Variants in CDK5RAP2 observed in about 807,000 individuals in gnomAD.
The protein encoded by CDK5RAP2 is CDK5 regulatory subunit associated protein 2.
Under a neutral mutation model 232.9 loss-of-function variants are expected in CDK5RAP2, and 147 were observed. The ratio of observed to expected loss-of-function variants is 0.63; its 90% confidence interval spans 0.55 to 0.72. The LOEUF (loss-of-function observed/expected upper bound fraction) is 0.72. Ranked by LOEUF, CDK5RAP2 falls within the 30% of genes least tolerant of loss-of-function variation. The pLI, the probability that CDK5RAP2 is intolerant of heterozygous loss-of-function variation, is 0.00. For synonymous variants in CDK5RAP2, 833 were observed against 833.7 expected, an observed-to-expected ratio of 1.00 and a Z score of 0.01; for missense variants, 2,195 against 2,231.5, an observed-to-expected ratio of 0.98 and a Z score of 0.33.
At position 120,409,467 on chromosome 9, in the gene CDK5RAP2, G is replaced by A; in HGVS notation, c.4415-151C>T. The A allele has an allele frequency of 4.5e-6, 3 of 672,350 alleles. No individual in the cohort carries two copies. The South Asian group carries it at 5.5e-5, about 12-fold the overall frequency. The allele number at this position is 672,350 out of a possible 1,614,324, so 41.6% of individuals were successfully genotyped here. A position where few individuals can be genotyped will look rare whatever the true frequency, so the allele number is the denominator to read the frequency against. On this transcript the variant is annotated intron_variant, in intron 29 of 37. Transcript: ENST00000349780. Reference sequence around the variant, plus strand: ...ATTCCAATTATCTTACACACTTTGGGCAGATAAATTTGTCAACATCAAGGC... The same window carrying A: ...ATTCCAATTATCTTACACACTTTGGACAGATAAATTTGTCAACATCAAGGC...
At chr9:120,579,781 C>A (rs2043173470) in intron 1 of CDK5RAP2, 139 bp downstream of exon 1, 4 of 680,960 alleles carry the variant, frequency 5.9e-6, no homozygotes, top group Non-Finnish European at 1.1e-5. Flanking sequence ...CCCCCAGAGA[C>A]CCTCTCCGAA....
Position 120,580,080 on chromosome 9 carries a change from C to T in CDK5RAP2, c.-102G>A. The T allele has an allele frequency of 1.4e-6, 1 of 709,212 alleles. No individual in the cohort carries two copies. The highest frequency in any genetic ancestry group is 2.5e-6 in the Non-Finnish European group (1 of 394,804). 43.9% of individuals were successfully genotyped at this position (709,212 alleles called of 1,614,324 possible). On this transcript the variant is annotated 5_prime_UTR_variant, in exon 1 of 38. The change creates a new upstream start codon in the 5' untranslated region. Coordinates refer to ENST00000349780, the MANE Select transcript of CDK5RAP2 (RefSeq NM_018249.6). ...GCTCCCCAGGTCCCCGCCCCCTCCA[C>T]CCCAGCTCTTGTTCAGACTCTGGCG...
intron 20 of CDK5RAP2, among the ~76,000 whole-genome samples, chr9:120,457,066 T>C (rs962835221): frequency 5.3e-5 from 8 of 152,166 alleles, no homozygotes; most frequent in African/African-American, 1.9e-4. Context: ...CCTAAGCACT[T>C]ACCATGTGCC....
chr9:120,398,086 G>A (rs953166335), intron 35 of CDK5RAP2, among the ~76,000 whole-genome samples: 102 of 152,148 alleles, frequency 6.7e-4, no homozygotes, highest in African/African-American at 2.2e-4. Flanking sequence ...TCCCTTTAGC[G>A]GGCAAAGGTA....
intron 14 of CDK5RAP2, among the ~76,000 whole-genome samples, chr9:120,482,225 G>A (rs994515473): frequency 1.3e-5 from 2 of 152,224 alleles, no homozygotes; most frequent in African/African-American, 2.4e-5. Context: ...AGGAATGTAT[G>A]TATGTGGGAC....
At chr9:120,444,395 G>A (rs750273340) in intron 22 of CDK5RAP2, among the ~76,000 whole-genome samples, 11 of 152,206 alleles carry the variant, frequency 7.2e-5, no homozygotes, top group Non-Finnish European at 1.3e-4. Flanking sequence ...TTAGTTAACT[G>A]CCACCTCCCC....
Position 120,439,941 on chromosome 9 carries a change from G to A in CDK5RAP2, c.3180C>T (p.Ala1060=), listed in dbSNP as rs1564218472. The A allele has an allele frequency of 6.2e-7, 1 of 1,614,022 alleles. No homozygotes were observed. Among genetic ancestry groups the A allele is most frequent in the Non-Finnish European group, 8.5e-7 (1 of 1,179,996 alleles). The part of the protein sequence containing the change: ...DSEICPPDDL[A]SLPSCKENPE... The stretch of plus-strand genomic sequence containing the variant: ...GATTTTCTTTGCATGATGGCAAGCT[G>A]GCAAGGTCATCAGGTGGGCAAATCT... Residue 1060 remains alanine (A), a synonymous_variant, in exon 24 of 38, where the codon GCC becomes GCT. Transcript: ENST00000349780.
At chr9:120,480,266 A>AT (rs1052630417) in intron 14 of CDK5RAP2, among the ~76,000 whole-genome samples, 8 of 152,144 alleles carry the variant, frequency 5.3e-5, no homozygotes, top group Admixed American at 3.3e-4. Flanking sequence ...TTTCAACTTG[A>AT]TTAAAATTTA....
chr9:120,524,979 C>A lies in CDK5RAP2; in HGVS notation c.1092+7G>T. 1 of 1,609,174 alleles carries A rather than the reference C, an allele frequency of 6.2e-7. No individual in the cohort carries two copies. The highest frequency in any genetic ancestry group is 2.2e-5 in the East Asian group (1 of 44,844). On this transcript the variant is annotated splice_region_variant and intron_variant, in intron 11 of 37. Transcript: ENST00000349780. Reference sequence around the variant, plus strand: ...GAGACAGCCACTTAAGCCAAGTGTACACTTACCTGAAATTCCTGGGTCTGT... The same window carrying A: ...GAGACAGCCACTTAAGCCAAGTGTAAACTTACCTGAAATTCCTGGGTCTGT...
intron 27 of CDK5RAP2, among the ~76,000 whole-genome samples, chr9:120,419,211 T>C (rs1163085944): frequency 6.6e-6 from 1 of 152,226 alleles, no homozygotes; most frequent in African/African-American, 2.4e-5. Context: ...TTGGACTTCC[T>C]AGCCTTTAGA....
In CDK5RAP2 at chr9:120,402,913, A is replaced by C. The variant is rs776345910; in HGVS notation, c.5200T>G (p.Tyr1734Asp). The part of the protein sequence containing the change: ...GRHVLGLIED[Y>D]EALLKQISQG... ...CTGATCTGTTTGAGCAGGGCCTCAT[A>C]GTCCTCAATCAGGCCCAGGACATGG... The change falls in exon 34 of 38, where the codon TAT becomes GAT. Residue 1734 changes from tyrosine (Y) to aspartate (D), a missense_variant. Tyr to Asp is a radical substitution (Grantham distance 160). Transcript: ENST00000349780. 6.2e-7 allele frequency: 1 copy of C among 1,614,156 alleles called. No homozygotes were observed. The highest frequency in any genetic ancestry group is 8.5e-7 in the Non-Finnish European group (1 of 1,180,010).
chr9:120,516,222 T>C (rs570722194), intron 12 of CDK5RAP2, among the ~76,000 whole-genome samples: 11 of 152,256 alleles, frequency 7.2e-5, no homozygotes, highest in South Asian at 6.2e-4. Context: ...TGTAGATACA[T>C]GGATGAAACT....
chr9:120,492,832 A>G (rs2038974791), intron 12 of CDK5RAP2, among the ~76,000 whole-genome samples: 1 of 152,224 alleles, frequency 6.6e-6, no homozygotes. Flanking sequence ...CAAAACTTTA[A>G]GTAGAAAAGA....
intron 31 of CDK5RAP2, chr9:120,407,768 G>A (rs1048218411): frequency 1.1e-4 from 19 of 169,796 alleles, no homozygotes; most frequent in Admixed American, 3.3e-4. Context: ...AACATTAGAC[G>A]TTATAGTTGA....
intron 13 of CDK5RAP2, among the ~76,000 whole-genome samples, chr9:120,488,592 T>A (rs1486756798): frequency 6.6e-6 from 1 of 152,260 alleles, no homozygotes; most frequent in Non-Finnish European, 1.5e-5. Context: ...TATTCTTACA[T>A]GGCTTGGTTT....
intron 24 of CDK5RAP2, among the ~76,000 whole-genome samples, chr9:120,438,195 T>C (rs1169098236): frequency 6.6e-6 from 1 of 152,186 alleles, no homozygotes; most frequent in African/African-American, 2.4e-5. Context: ...TGTGCCACCT[T>C]TTCCTACGTG....
intron 34 of CDK5RAP2, 64 bp downstream of exon 34, chr9:120,402,742 C>T: frequency 1.3e-6 from 2 of 1,593,216 alleles, no homozygotes; most frequent in Non-Finnish European, 1.7e-6. Context: ...ATTTGACTCC[C>T]CTCCCCCTTC....
rs77983437 is a variant in CDK5RAP2, at chr9:120,549,914, A to G, written c.306+878T>C. Among the ~76,000 whole-genome samples, 1,178 of 152,360 alleles carry G rather than the reference A, an allele frequency of 7.7e-3. 15 individuals are homozygous for G. The highest frequency in any genetic ancestry group is 0.027 in the African/African-American group (1,103 of 41,580). ...AATTCTTGAAAAGGCTCAGAAGTAC[A>G]GCACAATCCCTCTTCAAGACAAGTC... On this transcript the variant is annotated intron_variant, in intron 4 of 37. Transcript: ENST00000349780.
intron 11 of CDK5RAP2, among the ~76,000 whole-genome samples, chr9:120,520,862 G>GCT (rs2040613144): frequency 6.6e-6 from 1 of 150,588 alleles, no homozygotes; most frequent in Admixed American, 6.6e-5. Context: ...TCTCATATGA[G>GCT]CTATATCTCA....
Sources: allele counts gnomAD v4.1 joint callset (sites outside exome capture counted in the v4.1 genomes callset), GRCh38; gene constraint gnomAD v4.1.1; transcripts MANE v1.5; gene names NCBI Gene and HGNC (gene_info 2026-07-23, HGNC 2026-07-21).